The following KLK14 variants were observed in gnomAD, a reference collection of about 807,000 sequenced individuals.
The protein encoded by KLK14 is kallikrein related peptidase 14.
KLK14 carries 21 observed loss-of-function variants against 24.6 expected under a neutral mutation model. The observed-to-expected ratio is 0.85, with a 90% CI of 0.61 to 1.23. The LOEUF (loss-of-function observed/expected upper bound fraction) is 1.23, where lower values mean the gene tolerates loss of function less well. KLK14 is among the 50% of genes most tolerant of loss of function. The pLI, the probability that KLK14 is intolerant of heterozygous loss-of-function variation, is 0.00. For synonymous variants in KLK14, 133 were observed against 139.7 expected (o/e 0.95, Z 0.34); for missense variants, 320 against 338.9 (o/e 0.94, Z 0.44).
chr19:51,077,563 T>G (rs1229692772), downstream of KLK14: 1 of 183,770 alleles, frequency 5.4e-6, no homozygotes, highest in Non-Finnish European at 1.1e-5. Flanking sequence ...ATCAGGATGC[T>G]GGGGACTGGG....
chr19:51,081,436 T>G, intron 3 of KLK14, 96 bp downstream of exon 3: 1 of 1,160,418 alleles, frequency 8.6e-7, no homozygotes, highest in African/African-American at 1.6e-5. Flanking sequence ...AGCCACTACA[T>G]TGGGTTCTAT....
intron 3 of KLK14, among the ~76,000 whole-genome samples, chr19:51,080,189 T>G (rs988616434): frequency 3.3e-5 from 5 of 151,848 alleles, no homozygotes; most frequent in African/African-American, 1.2e-4. Context: ...TTTATTTTTT[T>G]TTTGTGATGG....
At chr19:51,082,017 C>G (rs777676641) in intron 2 of KLK14, among the ~76,000 whole-genome samples, 2 of 152,026 alleles carry the variant, frequency 1.3e-5, no homozygotes, top group Non-Finnish European at 2.9e-5. Flanking sequence ...GTGATCACTT[C>G]TCGAAATATG....
rs1345558534 is a variant in KLK14, at chr19:51,082,729, C to T, written c.-30G>A. ...ACAGCAAGGGGCACTTACCCAGAGC[C>T]CAAGACCCTCAGGGACATGAAGACA... On this transcript the variant is annotated 5_prime_UTR_variant, in exon 1 of 6. Coordinates refer to ENST00000650543, the MANE Select transcript of KLK14 (RefSeq NM_001369775.2). 2.5e-6 allele frequency: 4 copies of T among 1,613,888 alleles called. No homozygotes were observed. In the Admixed American group the frequency reaches 6.7e-5, roughly 27 times the overall value.
In KLK14 at chr19:51,078,181, G is replaced by A. The variant is rs2091815345; in HGVS notation, c.604-22C>T. The A allele has an allele frequency of 1.2e-6, 2 of 1,611,438 alleles. No individual in the cohort carries two copies. The highest frequency in any genetic ancestry group is 1.7e-5 in the Admixed American group (1 of 59,736). On this transcript the variant is annotated intron_variant, in intron 5 of 5. Transcript: ENST00000650543. This position sits in a 1 kb window ranked among gnomAD's most constrained non-coding sequence, Gnocchi z 5.0. ...CACCCTGAGGGGGAGGAACAGAAATGGAGACACTGATGGACAGGTAGCCAG... is the reference window on the plus strand; with the variant it reads ...CACCCTGAGGGGGAGGAACAGAAATAGAGACACTGATGGACAGGTAGCCAG...
At chr19:51,079,737 G>A in intron 3 of KLK14, 35 bp from the exon 4 acceptor site, 1 of 1,531,816 alleles carries the variant, frequency 6.5e-7, no homozygotes, top group Non-Finnish European at 8.8e-7. Flanking sequence ...GCTGCTCAGG[G>A]TCTGAGCCAG....
At chr19:51,081,803 G>T in intron 2 of KLK14, 100 bp from the exon 3 acceptor site, 1 of 1,184,472 alleles carries the variant, frequency 8.4e-7, no homozygotes, top group Non-Finnish European at 1.2e-6. Context: ...CTTCCTTTTG[G>T]TCTAACCCCT....
chr19:51,079,792 A>G, intron 3 of KLK14, 90 bp from the exon 4 acceptor site: 8 of 1,475,292 alleles, frequency 5.4e-6, no homozygotes, highest in Middle Eastern at 2.4e-4. Flanking sequence ...CCGGGTGACG[A>G]GTCTTCCCCG....
At chr19:51,083,911 T>C (rs1158131444), upstream of KLK14, among the ~76,000 whole-genome samples, 2 of 151,436 alleles carry the variant, frequency 1.3e-5, no homozygotes, top group Non-Finnish European at 2.9e-5. Flanking sequence ...GCATGAGACG[T>C]GGAAGAGAAC....
chr19:51,081,856 C>A (rs1225324898), intron 2 of KLK14, among the ~76,000 whole-genome samples, 153 bp from the exon 3 acceptor site: 1 of 152,054 alleles, frequency 6.6e-6, no homozygotes, highest in African/African-American at 2.4e-5. Flanking sequence ...TGAGACATGC[C>A]CAATATTGAC....
chr19:51,077,573 G>GGGAT (rs2091809805), downstream of KLK14: 1 of 197,094 alleles, frequency 5.1e-6, no homozygotes, highest in South Asian at 9.8e-5. Context: ...TGGGGACTGG[G>GGGAT]GCTCCTGGGT....
chr19:51,082,587 C>A lies in KLK14; in HGVS notation c.28G>T (p.Val10Phe), dbSNP rs770591913. Residue 10 changes from valine (V) to phenylalanine (F), a missense_variant, in exon 2 of 6, where the codon GTC (valine) becomes TTC (phenylalanine). Physicochemically the swap from Val to Phe is conservative, Grantham distance 50 (BLOSUM62 -1). Transcript: ENST00000650543. MFLLLTALQ[V>F]LAIAMTQSQE... ...ACCGTTCTCTTACCTATAGCCAGGA[C>A]TTGAAGTGCTGTCAGCAGGAGGAAC... 5 of 1,613,952 alleles carry A rather than the reference C, an allele frequency of 3.1e-6. No individual in the cohort carries two copies. In the East Asian group the frequency reaches 8.9e-5, roughly 29 times the overall value.
intron 4 of KLK14, among the ~76,000 whole-genome samples, chr19:51,079,169 T>C (rs1267314474): frequency 2.3e-5 from 2 of 85,446 alleles, no homozygotes; most frequent in African/African-American, 4.6e-5. Context: ...CCCCAGCCCC[T>C]CCTCCCTCAG....
chr19:51,079,027 C>A, intron 4 of KLK14, 76 bp from the exon 5 acceptor site: 1 of 1,556,384 alleles, frequency 6.4e-7, no homozygotes, highest in Non-Finnish European at 8.7e-7. Context: ...AGCCCCTCCT[C>A]CTTCCGACCC....
rs113235029 is a variant in KLK14 at position 51,078,960 on chromosome 19, C to A, written c.467-9G>T. On this transcript the variant is annotated splice_polypyrimidine_tract_variant and intron_variant, in intron 4 of 5. Transcript: ENST00000650543. The surrounding 1 kb of genome is among the most constrained non-coding windows in gnomAD (Gnocchi z 5.0). ...AGAGGCGGGGTACCTGGCTGGGGGA[C>A]ACTGCAGGGTTATAACTGGGTCTAC... 31,714 of 1,612,966 alleles carry A rather than the reference C, an allele frequency of 0.02. 383 individuals are homozygous for A. The highest frequency in any genetic ancestry group is 0.024 in the Non-Finnish European group (28,217 of 1,179,632).
intron 3 of KLK14, 99 bp from the exon 4 acceptor site, chr19:51,079,801 C>T (rs1026276974): frequency 6.1e-6 from 9 of 1,467,178 alleles, no homozygotes; most frequent in East Asian, 5.0e-5. Context: ...GAGTCTTCCC[C>T]GAGGTCTAGC....
chr19:51,078,244 G>T lies in KLK14; in HGVS notation c.604-85C>A. The T allele has an allele frequency of 7.1e-7, 1 of 1,414,774 alleles. No individual in the cohort carries two copies. Among genetic ancestry groups the T allele is most frequent in the Non-Finnish European group, 9.7e-7 (1 of 1,034,080 alleles). The allele number at this position is 1,414,774 out of a possible 1,614,324, so 87.6% of individuals were successfully genotyped here. On this transcript the variant is annotated intron_variant, in intron 5 of 5. Transcript: ENST00000650543. This position sits in a 1 kb window ranked among gnomAD's most constrained non-coding sequence, Gnocchi z 5.0. ...ACAGAGAACCCGAGAAGCAGACACAGGGAGACAGGCAGAGACACTGGTGGA... is the reference window on the plus strand; with the variant it reads ...ACAGAGAACCCGAGAAGCAGACACATGGAGACAGGCAGAGACACTGGTGGA...
chr19:51,080,026 TTA>T (rs1216512606), intron 3 of KLK14, among the ~76,000 whole-genome samples: 2 of 152,194 alleles, frequency 1.3e-5, no homozygotes, highest in Non-Finnish European at 2.9e-5. Context: ...CGAAACTGCG[TTA>T]TGAGTCTAGG....
upstream of KLK14, chr19:51,082,970 ATTTT>A: frequency 1.9e-6 from 1 of 523,600 alleles, no homozygotes; most frequent in Non-Finnish European, 3.4e-6. Flanking sequence ...TGCTTCTGAC[ATTTT>A]TTTTTTTTTA....
Sources: allele counts gnomAD v4.1 joint callset (sites outside exome capture counted in the v4.1 genomes callset), GRCh38; gene constraint gnomAD v4.1.1; non-coding constraint Gnocchi (gnomAD v3.1); transcripts MANE v1.5; gene names NCBI Gene and HGNC (gene_info 2026-07-23, HGNC 2026-07-21).